The following ZNF652 variants were observed in gnomAD, a reference collection of about 807,000 sequenced individuals.
ZNF652 encodes the protein zinc finger protein 652.
Under a neutral mutation model 45.2 loss-of-function variants are expected in ZNF652, and 16 were observed. The ratio of observed to expected loss-of-function variants is 0.35; its 90% CI spans 0.24 to 0.54. The LOEUF is 0.54. ZNF652 is among the 20% of genes least tolerant of loss of function. The probability of loss-of-function intolerance (pLI) is 0.91; values close to 1 mark genes in which losing one functional copy is unlikely to be tolerated. For missense variants in ZNF652, 614 were observed against 765.6 expected (o/e 0.80, Z 2.34); for synonymous variants, 250 against 260.6 (o/e 0.96, Z 0.39).
intron 5 of ZNF652, among the ~76,000 whole-genome samples, chr17:49,308,697 G>A (rs943508299): frequency 3.3e-5 from 5 of 151,944 alleles, no homozygotes; most frequent in African/African-American, 1.2e-4. Context: ...AACTACTTGG[G>A]AGGTTGAGGC....
chr17:49,319,995 C>T (rs1175120357), intron 1 of ZNF652, among the ~76,000 whole-genome samples: 1 of 152,156 alleles, frequency 6.6e-6, no homozygotes, highest in Non-Finnish European at 1.5e-5. Flanking sequence ...AGCTGCCCCC[C>T]TCTCCATTTA....
intron 1 of ZNF652, among the ~76,000 whole-genome samples, chr17:49,353,497 G>A (rs1174357120): frequency 6.6e-6 from 1 of 151,158 alleles, no homozygotes; most frequent in African/African-American, 2.4e-5. Flanking sequence ...TTTTTTTTGA[G>A]ACAGAGTCTC....
Position 49,316,956 on chromosome 17 carries a change from C to A in ZNF652, c.770G>T (p.Arg257Leu). ...CEKCPRVFNT[R>L]WYLEKHMNVT... ...GTTCATGTGCTTCTCCAGGTACCAGCGAGTGTTAAATACCCTGGGGCACTT... is the reference window on the plus strand; with the variant it reads ...GTTCATGTGCTTCTCCAGGTACCAGAGAGTGTTAAATACCCTGGGGCACTT... The change falls in exon 2 of 6, where the codon CGC becomes CTC. Residue 257 changes from arginine to leucine, a missense_variant. Arg to Leu is a moderately radical substitution (Grantham distance 102, BLOSUM62 -2). Around this residue, in one of 5 missense-constraint regions of ZNF652, gnomAD observed 262 missense variants for 306.3 expected, o/e 0.86. Coordinates refer to ENST00000430262, the MANE Select transcript of ZNF652 (RefSeq NM_001145365.3). The A allele has an allele frequency of 1.9e-6, 3 of 1,614,146 alleles. No homozygotes were observed. The highest frequency in any genetic ancestry group is 2.5e-6 in the Non-Finnish European group (3 of 1,180,042).
intron 1 of ZNF652, among the ~76,000 whole-genome samples, chr17:49,327,030 GC>G (rs2069962802): frequency 6.6e-6 from 1 of 152,090 alleles, no homozygotes; most frequent in African/African-American, 2.4e-5. Flanking sequence ...AAAAGTTGGG[GC>G]CAAGAAACTG....
At chr17:49,361,551 CAGG>C (rs912525791) in intron 1 of ZNF652, among the ~76,000 whole-genome samples, 2 of 152,224 alleles carry the variant, frequency 1.3e-5, no homozygotes, top group Admixed American at 6.5e-5. Context: ...AGAACGCTCG[CAGG>C]AGGACCGGTG....
At position 49,317,781 on chromosome 17, in the gene ZNF652, C is replaced by T; in HGVS notation, c.-56G>A. On this transcript the variant is annotated 5_prime_UTR_variant, in exon 2 of 6. Coordinates refer to ENST00000430262, the MANE Select transcript of ZNF652 (RefSeq NM_001145365.3). ...AGACTATAAAGAAATAGCTTTAAAA[C>T]AAGGTAATTATTAAGACTCAAATCT... The T allele has an allele frequency of 8.9e-6, 13 of 1,464,738 alleles. No individual in the cohort carries two copies. Among genetic ancestry groups the T allele is most frequent in the Non-Finnish European group, 1.1e-5 (12 of 1,101,478 alleles). The allele number at this position is 1,464,738 out of a possible 1,614,324, so 90.7% of individuals were successfully genotyped here.
At position 49,296,230 on chromosome 17, in the gene ZNF652, C is replaced by A. The variant is rs1406279415; in HGVS notation, c.*2183G>T. 6.6e-6 allele frequency: 1 copy of A among 152,530 alleles called. No homozygotes were observed. 9.4% of individuals were successfully genotyped at this position (152,530 alleles called of 1,614,324 possible). On this transcript the variant is annotated 3_prime_UTR_variant, in exon 6 of 6. Transcript: ENST00000430262. Reference sequence around the variant, plus strand: ...GTGTACAAATATTAAAAATACCATTCTTTAAAACTTACATCCAAAACCAGG... The same window carrying A: ...GTGTACAAATATTAAAAATACCATTATTTAAAACTTACATCCAAAACCAGG...
rs2070285147 is a variant in ZNF652 at position 49,351,767 on chromosome 17, G to A, written c.-259+10142C>T. Among the ~76,000 whole-genome samples, 5 of 152,124 alleles carry A rather than the reference G, an allele frequency of 3.3e-5. No individual in the cohort carries two copies. The South Asian group carries it at 1.0e-3, about 32-fold the overall frequency. On this transcript the variant is annotated intron_variant, in intron 1 of 5. Transcript: ENST00000430262. ...GGAGGCTGAGATGGGAGGATTGCTTGAGCTCAGGAGTTTTGAGGCCAGCCT... is the reference window on the plus strand; with the variant it reads ...GGAGGCTGAGATGGGAGGATTGCTTAAGCTCAGGAGTTTTGAGGCCAGCCT...
Position 49,295,591 on chromosome 17 carries a change from G to A in ZNF652, c.*2822C>T, listed in dbSNP as rs1190248261. 6.6e-6 allele frequency: 1 copy of A among 152,420 alleles called. No homozygotes were observed. The highest frequency in any genetic ancestry group is 2.4e-5 in the African/African-American group (1 of 41,412). 9.4% of individuals were successfully genotyped at this position (152,420 alleles called of 1,614,324 possible). ...ACAACCTCATGAAATGGTTGATTCT[G>A]TGGTCTCAAGTCTAGAATCCAGAAT... On this transcript the variant is annotated 3_prime_UTR_variant, in exon 6 of 6. Transcript: ENST00000430262.
chr17:49,348,869 C>T (rs1684610368), intron 1 of ZNF652, among the ~76,000 whole-genome samples: 1 of 152,024 alleles, frequency 6.6e-6, no homozygotes, highest in Non-Finnish European at 1.5e-5. Context: ...TATGGAACTG[C>T]CAAGTTATCC....
intron 1 of ZNF652, among the ~76,000 whole-genome samples, chr17:49,330,889 A>AAAACAAAC (rs148491803): frequency 1.3e-5 from 2 of 149,040 alleles, no homozygotes; most frequent in Non-Finnish European, 3.0e-5. Context: ...TGTCTCTACT[A>AAAACAAAC]AAACAAACAA....
intron 2 of ZNF652, among the ~76,000 whole-genome samples, chr17:49,313,808 A>G (rs1048942960): frequency 2.0e-5 from 3 of 151,410 alleles, no homozygotes; most frequent in Non-Finnish European, 4.4e-5. Flanking sequence ...CCCCATCTCT[A>G]CTAAAAATAA....
At chr17:49,342,336 G>C (rs1299408097) in intron 1 of ZNF652, among the ~76,000 whole-genome samples, 1 of 151,914 alleles carries the variant, frequency 6.6e-6, no homozygotes, top group Non-Finnish European at 1.5e-5. Context: ...TTAAATTCAG[G>C]AAATTCTAAA....
At chr17:49,339,225 G>A (rs1394684803) in intron 1 of ZNF652, among the ~76,000 whole-genome samples, 3 of 122,650 alleles carry the variant, frequency 2.4e-5, no homozygotes, top group Non-Finnish European at 4.9e-5. Context: ...TTTTTGAGAC[G>A]TAGTCTCACT....
chr17:49,288,982 C>A (rs2069368130), downstream of ZNF652, among the ~76,000 whole-genome samples: 1 of 152,190 alleles, frequency 6.6e-6, no homozygotes, highest in African/African-American at 2.4e-5. Context: ...GAGAACTAAT[C>A]ACTCTGCCTT....
chr17:49,353,340 T>C (rs1320659125), intron 1 of ZNF652, among the ~76,000 whole-genome samples: 1 of 151,992 alleles, frequency 6.6e-6, no homozygotes, highest in Non-Finnish European at 1.5e-5. Flanking sequence ...CTGGCTAATT[T>C]TTTGATTTTT....
chr17:49,311,743 T>C (rs1490519728), intron 4 of ZNF652, among the ~76,000 whole-genome samples, 184 bp downstream of exon 4: 1 of 152,206 alleles, frequency 6.6e-6, no homozygotes, highest in Non-Finnish European at 1.5e-5. Context: ...GAGTTAACAG[T>C]GTGTTAAAAG....
chr17:49,354,257 G>A (rs1324008464), intron 1 of ZNF652, among the ~76,000 whole-genome samples: 1 of 151,864 alleles, frequency 6.6e-6, no homozygotes, highest in African/African-American at 2.4e-5. Flanking sequence ...AGCAGGGTAA[G>A]ACACACATTA....
At chr17:49,354,945 C>T (rs1313493072) in intron 1 of ZNF652, among the ~76,000 whole-genome samples, 4 of 151,982 alleles carry the variant, frequency 2.6e-5, no homozygotes, top group African/African-American at 7.2e-5. Flanking sequence ...AGGCTGGTCT[C>T]GAACTTCTGA....
Sources: gnomAD v4.1 joint callset for allele counts (sites outside exome capture counted in the v4.1 genomes callset) on GRCh38, gnomAD v4.1.1 for gene constraint, gnomAD v4.1.1 regional missense constraint, MANE v1.5 for transcripts, NCBI Gene and HGNC (gene_info 2026-07-23, HGNC 2026-07-21) for gene names.